The following UTRN variants were observed in gnomAD, a reference collection of about 807,000 sequenced individuals.
UTRN encodes the protein utrophin, also known as dystrophin-related protein 1.
UTRN carries 283 observed loss-of-function variants against 463.9 expected under a neutral mutation model. The ratio of observed to expected loss-of-function variants is 0.61; its 90% CI spans 0.55 to 0.67. UTRN has a LOEUF of 0.67. Among genes scored for constraint, UTRN ranks in the 30% least tolerant of loss-of-function variants. UTRN has a pLI of 0.00. For missense variants in UTRN, 3,922 were observed against 4,084.3 expected, an observed-to-expected ratio of 0.96 and a Z score of 1.08; for synonymous variants, 1,442 against 1,431.5, an observed-to-expected ratio of 1.01 and a Z score of -0.17.
At chr6:144,378,478 G>A (rs1353493706) in intron 2 of UTRN, among the ~76,000 whole-genome samples, 1 of 152,182 alleles carries the variant, frequency 6.6e-6, no homozygotes, top group Non-Finnish European at 1.5e-5. Flanking sequence ...TGGAGGAGTC[G>A]TCCAGAAGTC....
chr6:144,833,843 T>C (rs1226310674), intron 69 of UTRN, among the ~76,000 whole-genome samples: 2 of 152,206 alleles, frequency 1.3e-5, no homozygotes, highest in Non-Finnish European at 2.9e-5. Context: ...TTTAGGGTGT[T>C]GGCCATTTAC....
intron 2 of UTRN, among the ~76,000 whole-genome samples, chr6:144,370,784 C>G (rs1170642899): frequency 6.6e-6 from 1 of 152,228 alleles, no homozygotes; most frequent in Non-Finnish European, 1.5e-5. Flanking sequence ...GGGAACCCAC[C>G]TCTTGCATCA....
chr6:144,523,998 G>A (rs970513240), intron 41 of UTRN, among the ~76,000 whole-genome samples: 1 of 152,168 alleles, frequency 6.6e-6, no homozygotes, highest in African/African-American at 2.4e-5. Context: ...TGATGGAAAG[G>A]CAAATAAGTT....
Position 144,499,419 on chromosome 6 carries a change from T to C in UTRN, c.4756T>C (p.Trp1586Arg). ...TGGTGACTTGGATACAGAAATTTCC[T>C]GGGCTAAAGTAAGTTGCAGTTCAGA... Reference protein sequence around the residue: ...LLGDLDTEISWAKNVLKDLEK... With the variant: ...LLGDLDTEISRAKNVLKDLEK... Residue 1586 changes from tryptophan (W) to arginine (R), a missense_variant, in exon 34 of 75, where the codon TGG (tryptophan) becomes CGG (arginine). By Grantham distance (101) the Trp-to-Arg change is moderately radical. Around this residue, in one of 3 missense-constraint regions of UTRN, gnomAD observed 2,349 missense variants for 2,303.8 expected, o/e 1.02. Transcript: ENST00000367545. The C allele has an allele frequency of 6.2e-7, 1 of 1,605,412 alleles. No homozygotes were observed. The highest frequency in any genetic ancestry group is 8.5e-7 in the Non-Finnish European group (1 of 1,173,576).
At chr6:144,463,532 A>G (rs1789617238) in intron 23 of UTRN, among the ~76,000 whole-genome samples, 1 of 152,070 alleles carries the variant, frequency 6.6e-6, no homozygotes, top group African/African-American at 2.4e-5. Context: ...TGGTATTTTA[A>G]TAGGAAAGTT....
chr6:144,408,059 C>A (rs1350654044), intron 3 of UTRN, among the ~76,000 whole-genome samples: 1 of 152,160 alleles, frequency 6.6e-6, no homozygotes, highest in Middle Eastern at 3.2e-3. Context: ...TCATTATTAC[C>A]TTCCTTATAT....
chr6:144,485,719 C>T (rs1345320623), intron 28 of UTRN, among the ~76,000 whole-genome samples, 200 bp downstream of exon 28: 1 of 152,198 alleles, frequency 6.6e-6, no homozygotes, highest in Non-Finnish European at 1.5e-5. Flanking sequence ...ATTATATCAG[C>T]CTCAAGACGT....
At chr6:144,547,094 G>A (rs1167329396) in intron 46 of UTRN, among the ~76,000 whole-genome samples, 1 of 152,174 alleles carries the variant, frequency 6.6e-6, no homozygotes, top group East Asian at 1.9e-4. Flanking sequence ...CTTCTCAGAT[G>A]TCACTTTTCT....
At position 144,421,930 on chromosome 6, in the gene UTRN, A is replaced by C; in HGVS notation, c.194A>C (p.Lys65Thr). ...DMFTDLKDGR[K>T]LLDLLEGLTG... is the part of the protein sequence containing the mutation. ...TTCACAGACCTCAAAGATGGAAGGAAGCTATTGGATCTTCTAGAAGGCCTC... is the reference window on the plus strand; with the variant it reads ...TTCACAGACCTCAAAGATGGAAGGACGCTATTGGATCTTCTAGAAGGCCTC... Residue 65 changes from lysine (K) to threonine (T), a missense_variant, in exon 4 of 75, where the codon AAG becomes ACG. Lys to Thr is a moderately conservative substitution (Grantham distance 78). Around this residue, in one of 3 missense-constraint regions of UTRN, gnomAD observed 264 missense variants for 327.9 expected, o/e 0.81. Transcript: ENST00000367545. 2 of 1,613,042 alleles carry C rather than the reference A, an allele frequency of 1.2e-6. No homozygotes were observed. The highest frequency in any genetic ancestry group is 2.2e-5 in the South Asian group (2 of 90,906).
chr6:144,535,335 G>A (rs1797434244), intron 43 of UTRN, among the ~76,000 whole-genome samples: 1 of 152,230 alleles, frequency 6.6e-6, no homozygotes, highest in East Asian at 1.9e-4. Context: ...GCTGGCCTTG[G>A]CCTCTCAAAG....
intron 56 of UTRN, 140 bp downstream of exon 56, chr6:144,752,092 G>A (rs766504693): frequency 1.9e-4 from 161 of 856,454 alleles, no homozygotes; most frequent in Non-Finnish European, 2.4e-4. Flanking sequence ...ATGACATCAG[G>A]TATTTGTCTT....
chr6:144,494,361 G>C (rs962969619), intron 33 of UTRN, among the ~76,000 whole-genome samples: 1 of 152,086 alleles, frequency 6.6e-6, no homozygotes, highest in Non-Finnish European at 1.5e-5. Flanking sequence ...GGAGTTGTTC[G>C]TTCCTCCCAG....
chr6:144,631,707 T>C (rs1400214676), intron 51 of UTRN, among the ~76,000 whole-genome samples: 20 of 152,218 alleles, frequency 1.3e-4, no homozygotes, highest in Admixed American at 1.3e-3. Flanking sequence ...CTCATTTACT[T>C]CTTTTCACAT....
rs775190497 is a variant in UTRN, at chr6:144,440,886, A to G, written c.1512+415A>G. ...GAAGGAGGAGCAAGCCACATTTTAT[A>G]TGGATGGTGGCAGGCAAAGAGAGGG... On this transcript the variant is annotated intron_variant, in intron 13 of 74. Transcript: ENST00000367545. Among the ~76,000 whole-genome samples, 3 of 152,184 alleles carry G rather than the reference A, an allele frequency of 2.0e-5. No individual in the cohort carries two copies. The South Asian group carries it at 6.2e-4, about 31-fold the overall frequency.
chr6:144,723,308 A>C (rs1414336583), intron 53 of UTRN, among the ~76,000 whole-genome samples: 1 of 152,228 alleles, frequency 6.6e-6, no homozygotes, highest in African/African-American at 2.4e-5. Context: ...ACTGAAATCC[A>C]TTATTTCAGT....
chr6:144,531,282 C>A, intron 42 of UTRN, 80 bp downstream of exon 42: 1 of 1,299,940 alleles, frequency 7.7e-7, no homozygotes, highest in Non-Finnish European at 1.0e-6. Flanking sequence ...GAAGTAGGGA[C>A]AAAATATATT....
chr6:144,582,326 C>T (rs962686429), intron 51 of UTRN, among the ~76,000 whole-genome samples: 3 of 152,192 alleles, frequency 2.0e-5, no homozygotes, highest in Admixed American at 2.0e-4. Flanking sequence ...TGAGCAACAT[C>T]TGGGTTCTAT....
chr6:144,545,211 G>A (rs1798296060), intron 46 of UTRN, among the ~76,000 whole-genome samples: 2 of 152,048 alleles, frequency 1.3e-5, no homozygotes, highest in Non-Finnish European at 2.9e-5. Context: ...CTAGATTATT[G>A]GAATATGCTC....
At chr6:144,777,851 T>C (rs1775471498) in intron 60 of UTRN, among the ~76,000 whole-genome samples, 1 of 152,032 alleles carries the variant, frequency 6.6e-6, no homozygotes, top group South Asian at 2.1e-4. Flanking sequence ...GTGTAGATGG[T>C]GTTCAAGGAA....
Sources: allele counts gnomAD v4.1 joint callset (sites outside exome capture counted in the v4.1 genomes callset), GRCh38; gene constraint gnomAD v4.1.1; regional missense constraint gnomAD v4.1.1; transcripts MANE v1.5; gene names NCBI Gene and HGNC (gene_info 2026-07-23, HGNC 2026-07-21).